EPHA4: variants seen among roughly 807,000 people sequenced by gnomAD.
The protein encoded by EPHA4 is EPH receptor A4.
In EPHA4, 19 loss-of-function variants were observed where a neutral mutation model predicts 108.3. That is an observed-to-expected ratio of 0.18 (90% CI 0.12 to 0.26). EPHA4 has a LOEUF of 0.26. Among genes scored for constraint, EPHA4 ranks in the 10% least tolerant of loss-of-function variants. The pLI is 1.00. For missense variants in EPHA4, 917 were observed against 1,254.0 expected (o/e 0.73, Z 4.06); for synonymous variants, 449 against 455.5 (o/e 0.99, Z 0.18).
intron 15 of EPHA4, among the ~76,000 whole-genome samples, chr2:221,427,674 C>G (rs995211002): frequency 6.6e-6 from 1 of 152,224 alleles, no homozygotes; most frequent in Non-Finnish European, 1.5e-5. Context: ...TGATTTTCAA[C>G]GTGATACTAT....
At chr2:221,443,212 A>G (rs1362012792) in intron 10 of EPHA4, among the ~76,000 whole-genome samples, 198 bp from the exon 11 acceptor site, 1 of 152,128 alleles carries the variant, frequency 6.6e-6, no homozygotes, top group Non-Finnish European at 1.5e-5. Context: ...ACTAAGGCTT[A>G]ATGCAAAAAA....
chr2:221,544,006 C>G (rs1693911379), intron 3 of EPHA4, among the ~76,000 whole-genome samples: 1 of 152,088 alleles, frequency 6.6e-6, no homozygotes, highest in Non-Finnish European at 1.5e-5. Context: ...CTAGACAGTG[C>G]CTTCTTGCTA....
rs576434653 is a variant in EPHA4, at chr2:221,424,071, A to G, written c.*819+1138T>C. Among the ~76,000 whole-genome samples, 4 of 152,038 alleles carry G rather than the reference A, an allele frequency of 2.6e-5. No homozygotes were observed. The South Asian group carries it at 8.3e-4, about 32-fold the overall frequency. On this transcript the variant is annotated intron_variant, in intron 17 of 17. Coordinates refer to ENST00000281821, the MANE Select transcript of EPHA4 (RefSeq NM_004438.5). ...CAAGGTTGCAGTGAGCCAAGATTGC[A>G]CCACTGCACTCCAGCCTGGGCAACA...
chr2:221,451,953 A>G (rs1398971197), intron 8 of EPHA4, among the ~76,000 whole-genome samples: 1 of 152,224 alleles, frequency 6.6e-6, no homozygotes, highest in Non-Finnish European at 1.5e-5. Flanking sequence ...GCTTCTCCCT[A>G]TAAGCTGCAT....
At chr2:221,429,639 T>C (rs1004981637) in intron 15 of EPHA4, among the ~76,000 whole-genome samples, 3 of 152,212 alleles carry the variant, frequency 2.0e-5, no homozygotes, top group African/African-American at 4.8e-5. Flanking sequence ...TCTGAACGTC[T>C]TCTAAAAGTA....
chr2:221,497,151 A>T (rs1030375253), intron 4 of EPHA4, among the ~76,000 whole-genome samples: 1 of 152,182 alleles, frequency 6.6e-6, no homozygotes, highest in Non-Finnish European at 1.5e-5. Context: ...GACCAGCTGG[A>T]AATAAAAGAG....
At position 221,523,840 on chromosome 2, in the gene EPHA4, C is replaced by T. The variant is rs982339158; in HGVS notation, c.824-22668G>A. On this transcript the variant is annotated intron_variant, in intron 3 of 17. Transcript: ENST00000281821. Reference sequence around the variant, plus strand: ...TCAAACTCCTGAACTCAAATGACAGCCTCCCAAAGTGCTGGGATTACAGGC... The same window carrying T: ...TCAAACTCCTGAACTCAAATGACAGTCTCCCAAAGTGCTGGGATTACAGGC... 1.8e-4 allele frequency among the ~76,000 whole-genome samples: 27 copies of T among 151,994 alleles called. 2 individuals carry two copies. Among genetic ancestry groups the T allele is most frequent in the Admixed American group, 1.8e-3 (27 of 15,230 alleles).
intron 3 of EPHA4, among the ~76,000 whole-genome samples, chr2:221,554,693 A>G (rs1323629098): frequency 6.6e-6 from 1 of 152,214 alleles, no homozygotes; most frequent in Admixed American, 6.5e-5. Context: ...ATCTGGGGAC[A>G]TAAGTGAAAA....
At chr2:221,462,381 T>C (rs1691173406) in intron 5 of EPHA4, among the ~76,000 whole-genome samples, 1 of 152,126 alleles carries the variant, frequency 6.6e-6, no homozygotes, top group Non-Finnish European at 1.5e-5. Flanking sequence ...ACCATCATTT[T>C]TTATTACCCC....
intron 8 of EPHA4, 53 bp from the exon 9 acceptor site, chr2:221,446,234 T>A: frequency 8.9e-7 from 1 of 1,124,028 alleles, no homozygotes; most frequent in Non-Finnish European, 1.2e-6. Flanking sequence ...ACCTAAGCTT[T>A]AACACATGCC....
chr2:221,480,092 T>C (rs1168330857), intron 5 of EPHA4, among the ~76,000 whole-genome samples: 2 of 150,034 alleles, frequency 1.3e-5, no homozygotes, highest in Admixed American at 6.6e-5. Flanking sequence ...ATTTTCTTCT[T>C]TTGGAGGATT....
At chr2:221,479,567 T>C (rs1263679179) in intron 5 of EPHA4, among the ~76,000 whole-genome samples, 3 of 152,198 alleles carry the variant, frequency 2.0e-5, no homozygotes, top group Non-Finnish European at 4.4e-5. Context: ...ATAGGAGCAA[T>C]TGCAATTAGA....
chr2:221,442,991 C>T lies in EPHA4; in HGVS notation c.1912G>A (p.Gly638Arg). The T allele has an allele frequency of 6.2e-7, 1 of 1,613,946 alleles. No homozygotes were observed. Among genetic ancestry groups the T allele is most frequent in the Non-Finnish European group, 8.5e-7 (1 of 1,179,988 alleles). The part of the protein sequence containing the change: ...GVGEFGEVCS[G>R]RLKVPGKREI... Reference sequence around the variant, plus strand: ...CTCTTGCCAGGCACTTTGAGACGCCCACTGCATACCTCACCAAATTCACCT... The same window carrying T: ...CTCTTGCCAGGCACTTTGAGACGCCTACTGCATACCTCACCAAATTCACCT... The change falls in exon 11 of 18, where the codon GGG becomes AGG. Residue 638 changes from glycine to arginine, a missense_variant. Coordinates refer to ENST00000281821, the MANE Select transcript of EPHA4 (RefSeq NM_004438.5).
At chr2:221,569,425 T>A (rs1380568969) in intron 1 of EPHA4, 1 of 151,952 alleles carries the variant, frequency 6.6e-6, no homozygotes, top group Non-Finnish European at 1.5e-5. Context: ...TCAAGATGTG[T>A]TGGGGGACAA....
At chr2:221,423,493 C>T (rs990801802) in intron 17 of EPHA4, among the ~76,000 whole-genome samples, 1 of 152,138 alleles carries the variant, frequency 6.6e-6, no homozygotes, top group Admixed American at 6.5e-5. Context: ...TTTGCATCAG[C>T]CTTGACTCTA....
At chr2:221,556,951 T>C (rs10932918) in intron 3 of EPHA4, among the ~76,000 whole-genome samples, 7,302 of 152,160 alleles carry the variant, frequency 0.048, 488 homozygotes, top group African/African-American at 0.16. Flanking sequence ...CTATTGAGGG[T>C]CTTGGAACAT....
chr2:221,431,034 T>C (rs1358087974), intron 14 of EPHA4, among the ~76,000 whole-genome samples: 1 of 152,202 alleles, frequency 6.6e-6, no homozygotes, highest in East Asian at 1.9e-4. Flanking sequence ...AATTATTTTC[T>C]TATAGCCTTT....
rs1439654910 is a variant in EPHA4, at chr2:221,443,576, T to G, written c.1805A>C (p.Tyr602Ser). 2 of 1,614,020 alleles carry G rather than the reference T, an allele frequency of 1.2e-6. No homozygotes were observed. Among genetic ancestry groups the G allele is most frequent in the South Asian group, 2.2e-5 (2 of 91,074 alleles). The change falls in exon 10 of 18, where the codon TAC (tyrosine) becomes TCC (serine). Residue 602 changes from tyrosine to serine, a missense_variant. Coordinates refer to ENST00000281821, the MANE Select transcript of EPHA4 (RefSeq NM_004438.5). ...TCGCACTGCTTGGTTGGGATCTTCGTACGTAAAGGGGTCCACATATGTTCT... is the reference window on the plus strand; with the variant it reads ...TCGCACTGCTTGGTTGGGATCTTCGGACGTAAAGGGGTCCACATATGTTCT... Reference protein sequence around the residue: ...GVRTYVDPFTYEDPNQAVREF... With the variant: ...GVRTYVDPFTSEDPNQAVREF...
intron 5 of EPHA4, among the ~76,000 whole-genome samples, chr2:221,459,624 A>G (rs1691079460): frequency 6.6e-6 from 1 of 152,124 alleles, no homozygotes; most frequent in Non-Finnish European, 1.5e-5. Context: ...ACACAAAGCC[A>G]TTGTCCAACA....
Sources: gnomAD v4.1 joint callset for allele counts (sites outside exome capture counted in the v4.1 genomes callset) on GRCh38, gnomAD v4.1.1 for gene constraint, MANE v1.5 for transcripts, NCBI Gene and HGNC (gene_info 2026-07-23, HGNC 2026-07-21) for gene names.